Variants in FAM32A observed in about 807,000 individuals in gnomAD.
FAM32A encodes family with sequence similarity 32 member A.
In FAM32A, 9 loss-of-function variants were observed where a neutral mutation model predicts 15.8. That is an observed-to-expected ratio of 0.57 (90% CI 0.34 to 1.00). FAM32A has a LOEUF of 1.00. Ranked by LOEUF, FAM32A falls within the 50% of genes least tolerant of loss-of-function variation. The pLI is 0.02. For synonymous variants in FAM32A, 64 were observed against 54.9 expected (o/e 1.16, Z -0.73); for missense variants, 113 against 138.3 (o/e 0.82, Z 0.92).
In FAM32A at chr19:16,191,175, C is replaced by T. The variant is rs1402636063; in HGVS notation, c.*220C>T. 5 of 550,780 alleles carry T rather than the reference C, an allele frequency of 9.1e-6. No individual in the cohort carries two copies. The highest frequency in any genetic ancestry group is 1.9e-5 in the African/African-American group (1 of 52,630). The allele number at this position is 550,780 out of a possible 1,614,324, so 34.1% of individuals were successfully genotyped here. A position where few individuals can be genotyped will look rare whatever the true frequency, so the allele number is the denominator to read the frequency against. Reference sequence around the variant, plus strand: ...GCTTCTTGGCAACATACAGAAGATACACCCTTTTCGTTTGGATGGAAAGTT... The same window carrying T: ...GCTTCTTGGCAACATACAGAAGATATACCCTTTTCGTTTGGATGGAAAGTT... On this transcript the variant is annotated 3_prime_UTR_variant, in exon 4 of 4. Transcript: ENST00000263384.
intron 2 of FAM32A, among the ~76,000 whole-genome samples, chr19:16,188,137 C>T (rs1178229113): frequency 6.6e-6 from 1 of 152,126 alleles, no homozygotes. Context: ...GAGACTTATG[C>T]GAGACTTAGG....
chr19:16,185,798 G>C, intron 2 of FAM32A, 33 bp downstream of exon 2: 1 of 1,542,142 alleles, frequency 6.5e-7, no homozygotes, highest in East Asian at 2.4e-5. Flanking sequence ...GGGGAGGCGG[G>C]AACACCCGGC....
intron 2 of FAM32A, 132 bp from the exon 3 acceptor site, chr19:16,190,388 A>G (rs1242235748): frequency 1.6e-6 from 1 of 615,364 alleles, no homozygotes; most frequent in East Asian, 3.1e-5. Context: ...GGAGGGGGAC[A>G]AGGCACAGAG....
chr19:16,190,544 G>A lies in FAM32A; in HGVS notation c.241G>A (p.Ala81Thr), dbSNP rs1265026237. The A allele has an allele frequency of 6.2e-7, 1 of 1,613,022 alleles. No homozygotes were observed. Among genetic ancestry groups the A allele is most frequent in the Non-Finnish European group, 8.5e-7 (1 of 1,179,492 alleles). ...GCAAATGGAAAGGATCCTAAAGAAG[G>A]CATCCAAAACCCACAAGCAGAGAGT... Reference protein sequence around the residue: ...KRQMERILKKASKTHKQRVED... With the variant: ...KRQMERILKKTSKTHKQRVED... Residue 81 changes from alanine to threonine, a missense_variant, in exon 3 of 4, where the codon GCA becomes ACA. By Grantham distance (58) the Ala-to-Thr change is moderately conservative. Transcript: ENST00000263384.
chr19:16,187,287 T>A (rs1050255177), intron 2 of FAM32A: 2 of 151,934 alleles, frequency 1.3e-5, no homozygotes, highest in African/African-American at 4.8e-5. Flanking sequence ...GGTGAAACCC[T>A]GTCTCTACTA....
rs1329195803 is a variant in FAM32A at position 16,185,511 on chromosome 19, C to T, written c.69C>T (p.Thr23=). 5 of 1,566,084 alleles carry T rather than the reference C, an allele frequency of 3.2e-6. No individual in the cohort carries two copies. Among genetic ancestry groups the T allele is most frequent in the Non-Finnish European group, 3.5e-6 (4 of 1,154,656 alleles). ...AAGGCGTCGCAGAGCTGGGAGTGAC[C>T]AAGCGGTGAGGCCCGAGGGCCCGCG... is the stretch of plus-strand genomic sequence containing the variant. ...KLKGVAELGV[T]KRKKKKKDKD... is the part of the protein sequence containing the mutation. Residue 23 remains threonine (T), a synonymous_variant, in exon 1 of 4, where the codon ACC becomes ACT. Coordinates refer to ENST00000263384, the MANE Select transcript of FAM32A (RefSeq NM_014077.4).
At chr19:16,186,221 T>C (rs1455430714) in intron 2 of FAM32A, 1 of 161,666 alleles carries the variant, frequency 6.2e-6, no homozygotes, top group African/African-American at 2.4e-5. Context: ...GCTCTTGATA[T>C]TAAATGGCCA....
intron 2 of FAM32A, among the ~76,000 whole-genome samples, chr19:16,190,295 G>C (rs2091401011): frequency 6.6e-6 from 1 of 152,186 alleles, no homozygotes; most frequent in African/African-American, 2.4e-5. Flanking sequence ...TACGCGCTCA[G>C]GCATTGCTGG....
intron 2 of FAM32A, 65 bp downstream of exon 2, chr19:16,185,830 G>T: frequency 1.3e-6 from 2 of 1,521,858 alleles, no homozygotes; most frequent in Non-Finnish European, 1.8e-6. Context: ...GGAAATTGGG[G>T]TCAGGGCTGG....
chr19:16,188,551 G>T (rs1436672655), intron 2 of FAM32A, among the ~76,000 whole-genome samples: 1 of 152,216 alleles, frequency 6.6e-6, no homozygotes, highest in East Asian at 1.9e-4. Flanking sequence ...AGGAGTTCAG[G>T]ACTAGCCTGG....
chr19:16,186,788 C>G (rs1365196181), intron 2 of FAM32A: 2 of 152,250 alleles, frequency 1.3e-5, no homozygotes. Flanking sequence ...CCTAAACTCC[C>G]ACCCCGAAGC....
intron 2 of FAM32A, among the ~76,000 whole-genome samples, 163 bp downstream of exon 2, chr19:16,185,928 G>T (rs991803426): frequency 7.9e-5 from 12 of 152,168 alleles, no homozygotes; most frequent in African/African-American, 2.9e-4. Context: ...GTCGCCCTCT[G>T]CCGGGGGAGC....
Position 16,185,604 on chromosome 19 carries a change from C to T in FAM32A, c.75-20C>T, listed in dbSNP as rs1274191350. 1 of 1,554,010 alleles carries T rather than the reference C, an allele frequency of 6.4e-7. No homozygotes were observed. The highest frequency in any genetic ancestry group is 1.3e-5 in the African/African-American group (1 of 74,206). ...TGGCCCTGATCCTCCGACCCGCCGC[C>T]TCCTCATGTCTTTTTCCAGGAAGAA... On this transcript the variant is annotated intron_variant, in intron 1 of 3. Transcript: ENST00000263384.
intron 2 of FAM32A, 67 bp downstream of exon 2, chr19:16,185,832 C>T (rs961455617): frequency 1.4e-5 from 22 of 1,518,642 alleles, no homozygotes; most frequent in Admixed American, 2.2e-5. Flanking sequence ...AAATTGGGGT[C>T]AGGGCTGGGA....
At position 16,191,711 on chromosome 19, in the gene FAM32A, C is replaced by T. The variant is rs996311401; in HGVS notation, c.*756C>T. The T allele has an allele frequency of 7.2e-5, 11 of 152,408 alleles. No homozygotes were observed. The highest frequency in any genetic ancestry group is 2.7e-4 in the African/African-American group (11 of 41,450). The allele number at this position is 152,408 out of a possible 1,614,324, so 9.4% of individuals were successfully genotyped here. ...TCCTCAGCTGGGGGCTCCTAGCAGCCTCTTGTATTTACTCAGAGTTGACAC... is the reference window on the plus strand; with the variant it reads ...TCCTCAGCTGGGGGCTCCTAGCAGCTTCTTGTATTTACTCAGAGTTGACAC... On this transcript the variant is annotated 3_prime_UTR_variant, in exon 4 of 4. Coordinates refer to ENST00000263384, the MANE Select transcript of FAM32A (RefSeq NM_014077.4).
At chr19:16,189,823 G>A (rs2091399279) in intron 2 of FAM32A, among the ~76,000 whole-genome samples, 1 of 151,704 alleles carries the variant, frequency 6.6e-6, no homozygotes, top group Admixed American at 6.6e-5. Flanking sequence ...CCACAGGTGT[G>A]CACCACCAAA....
intron 3 of FAM32A, 39 bp downstream of exon 3, chr19:16,190,612 A>G (rs757088992): frequency 6.4e-7 from 1 of 1,551,302 alleles, no homozygotes; most frequent in South Asian, 1.1e-5. Flanking sequence ...TGAGCCATTC[A>G]GGGTCCCAGC....
At chr19:16,187,778 C>T (rs2091391597) in intron 2 of FAM32A, among the ~76,000 whole-genome samples, 1 of 150,548 alleles carries the variant, frequency 6.6e-6, no homozygotes, top group Non-Finnish European at 1.5e-5. Context: ...AAAAGCCTCG[C>T]TCTGTTGTCC....
chr19:16,190,121 G>A (rs779792745), intron 2 of FAM32A, among the ~76,000 whole-genome samples: 10 of 152,148 alleles, frequency 6.6e-5, no homozygotes, highest in Non-Finnish European at 1.2e-4. Flanking sequence ...AGGATGGGAA[G>A]TGTCACTTGA....
Sources: allele counts gnomAD v4.1 joint callset (sites outside exome capture counted in the v4.1 genomes callset), GRCh38; gene constraint gnomAD v4.1.1; transcripts MANE v1.5; gene names NCBI Gene and HGNC (gene_info 2026-07-23, HGNC 2026-07-21).